Variants in LOC128462377 observed in about 807,000 individuals in gnomAD.
chr16:89,395,694 G>A, the LOC128462377 span: 2 of 152,214 alleles, frequency 1.3e-5, no homozygotes, highest in African/African-American at 4.8e-5. Context: ...CACACAGACT[G>A]ACCTGATTCA....
At chr16:89,386,304 A>G in the LOC128462377 span, among the ~76,000 whole-genome samples, 1 of 152,056 alleles carries the variant, frequency 6.6e-6, no homozygotes, top group Non-Finnish European at 1.5e-5. Flanking sequence ...GATTATTAAG[A>G]CAGACAATGC....
At chr16:89,377,424 T>A in the LOC128462377 span, among the ~76,000 whole-genome samples, 2 of 151,650 alleles carry the variant, frequency 1.3e-5, no homozygotes, top group Non-Finnish European at 2.9e-5. Flanking sequence ...TTCCACAGGG[T>A]TTACAACAGC....
the LOC128462377 span, among the ~76,000 whole-genome samples, chr16:89,402,789 G>A: frequency 6.8e-6 from 1 of 147,544 alleles, no homozygotes; most frequent in South Asian, 2.2e-4. Context: ...TGTGGGATGA[G>A]GTGAGGTGGG....
At chr16:89,334,172 A>G in the LOC128462377 span, among the ~76,000 whole-genome samples, 809 of 149,052 alleles carry the variant, frequency 5.4e-3, 13 homozygotes, top group African/African-American at 0.019. Flanking sequence ...AAAAAAAAAA[A>G]ACAGAGAGAG....
At chr16:89,324,333 G>A in the LOC128462377 span, 52 of 1,198,062 alleles carry the variant, frequency 4.3e-5, no homozygotes, top group East Asian at 1.3e-3. Context: ...TCGGGGCGAC[G>A]TGGGTGCCTC....
chr16:89,317,483 C>T, the LOC128462377 span, among the ~76,000 whole-genome samples: 1 of 152,232 alleles, frequency 6.6e-6, no homozygotes, highest in African/African-American at 2.4e-5. Context: ...ACACGCAGCG[C>T]AGTACCCCAG....
At chr16:89,387,492 G>A in the LOC128462377 span, among the ~76,000 whole-genome samples, 2 of 151,706 alleles carry the variant, frequency 1.3e-5, no homozygotes, top group African/African-American at 4.8e-5. Flanking sequence ...CTAACACAGT[G>A]AAACCCCATC....
chr16:89,371,871 A>G, the LOC128462377 span, among the ~76,000 whole-genome samples: 4,468 of 152,298 alleles, frequency 0.029, 150 homozygotes, highest in African/African-American at 0.075. Flanking sequence ...AGGGAGGTAG[A>G]CCTGGTGACC....
At chr16:89,367,249 CAG>C in the LOC128462377 span, among the ~76,000 whole-genome samples, 1 of 152,234 alleles carries the variant, frequency 6.6e-6, no homozygotes, top group Non-Finnish European at 1.5e-5. Flanking sequence ...AGCGTTCTCT[CAG>C]GGGTGGGTAG....
At chr16:89,374,276 C>T in the LOC128462377 span, among the ~76,000 whole-genome samples, 1 of 152,048 alleles carries the variant, frequency 6.6e-6, no homozygotes, top group Non-Finnish European at 1.5e-5. Flanking sequence ...TAATTCTCTT[C>T]ACTTAAAAAA....
the LOC128462377 span, among the ~76,000 whole-genome samples, chr16:89,393,744 C>T: frequency 6.6e-6 from 1 of 152,126 alleles, no homozygotes; most frequent in Non-Finnish European, 1.5e-5. Context: ...ACTATCCCAG[C>T]TGGGCCTATT....
At chr16:89,413,704 T>C in the LOC128462377 span, among the ~76,000 whole-genome samples, 4 of 152,162 alleles carry the variant, frequency 2.6e-5, no homozygotes, top group Admixed American at 2.6e-4. Context: ...CCTAGTCCTG[T>C]GGCTGTCAGC....
chr16:89,389,894 G>A, the LOC128462377 span, among the ~76,000 whole-genome samples: 269 of 129,162 alleles, frequency 2.1e-3, 3 homozygotes, highest in African/African-American at 8.1e-3. Context: ...GAGTGTGGCG[G>A]GGAGCACCGA....
the LOC128462377 span, chr16:89,324,284 CG>C: frequency 3.2e-6 from 4 of 1,253,694 alleles, no homozygotes; most frequent in Non-Finnish European, 3.1e-6. Flanking sequence ...CCCCGTGCTC[CG>C]GAACACGGAC....
chr16:89,414,300 A>T, the LOC128462377 span, among the ~76,000 whole-genome samples: 1 of 152,156 alleles, frequency 6.6e-6, no homozygotes, highest in African/African-American at 2.4e-5. Context: ...TGGGAAAGGT[A>T]ATTTGAAAGT....
chr16:89,323,219 G>T, the LOC128462377 span: 3 of 1,002,710 alleles, frequency 3.0e-6, no homozygotes, highest in Non-Finnish European at 4.1e-6. Flanking sequence ...CGGACTGAGC[G>T]GAGGAAAAAA....
At chr16:89,410,654 A>T in the LOC128462377 span, among the ~76,000 whole-genome samples, 25 of 152,354 alleles carry the variant, frequency 1.6e-4, no homozygotes, top group Non-Finnish European at 2.9e-5. Flanking sequence ...ATGAACAAGA[A>T]TCCCAGTTTT....
the LOC128462377 span, among the ~76,000 whole-genome samples, chr16:89,371,122 C>T: frequency 1.3e-5 from 2 of 152,270 alleles, no homozygotes; most frequent in African/African-American, 2.4e-5. Flanking sequence ...AGGGGGAAGA[C>T]GGGACGAGCG....
the LOC128462377 span, among the ~76,000 whole-genome samples, chr16:89,354,065 C>T: frequency 4.0e-4 from 61 of 152,282 alleles, no homozygotes; most frequent in Admixed American, 1.0e-3. Context: ...CTCTCGGGAG[C>T]TGCCCGCCCA....
Sources: gnomAD v4.1 joint callset for allele counts (sites outside exome capture counted in the v4.1 genomes callset) on GRCh38, gnomAD v4.1.1 for gene constraint, MANE v1.5 for transcripts.